UGT1A10: variants seen among roughly 807,000 people sequenced by gnomAD.
The protein encoded by UGT1A10 is UDP glucuronosyltransferase family 1 member A10, also known as UDP-glucuronosyltransferase 1A10.
A neutral mutation model predicts 45.8 loss-of-function variants in UGT1A10; 49 were observed. That is an observed-to-expected ratio of 1.07 (90% CI 0.85 to 1.36). The LOEUF (loss-of-function observed/expected upper bound fraction) is 1.36. UGT1A10 is among the 40% of genes most tolerant of loss of function. UGT1A10 has a pLI of 0.00. For synonymous variants in UGT1A10, 284 were observed against 249.7 expected (o/e 1.14, Z -1.29); for missense variants, 745 against 668.6 (o/e 1.11, Z -1.26).
In UGT1A10 at chr2:233,672,598, C is replaced by T. The variant is rs762262088; in HGVS notation, c.855+35221C>T. On this transcript the variant is annotated intron_variant, in intron 1 of 4. Coordinates refer to ENST00000344644, the MANE Select transcript of UGT1A10 (RefSeq NM_019075.4). ...CTTGGAGGAACATTTATTATGCCAC[C>T]GTTTTTTCAAAAATGCCCTAGAAAT... 24 of 1,613,836 alleles carry T rather than the reference C, an allele frequency of 1.5e-5. No homozygotes were observed. The highest frequency in any genetic ancestry group is 1.2e-4 in the South Asian group (11 of 91,064).
chr2:233,643,062 T>C (rs2073497451), intron 1 of UGT1A10, among the ~76,000 whole-genome samples: 1 of 152,168 alleles, frequency 6.6e-6, no homozygotes, highest in Non-Finnish European at 1.5e-5. Context: ...GGCTACTGCC[T>C]ATGTTTGCTC....
At chr2:233,697,092 C>T (rs1373676838) in intron 1 of UGT1A10, among the ~76,000 whole-genome samples, 1 of 151,956 alleles carries the variant, frequency 6.6e-6, no homozygotes, top group Admixed American at 6.6e-5. Context: ...ACTGGTCTCA[C>T]AGGATGAGTT....
At chr2:233,772,184 TA>T (rs2126065808) in intron 4 of UGT1A10, 77 bp from the exon 5 acceptor site, 1 of 1,591,636 alleles carries the variant, frequency 6.3e-7, no homozygotes, top group Admixed American at 1.8e-5. Context: ...GTAGTCTTCT[TA>T]AGCAGCCATG....
intron 1 of UGT1A10, among the ~76,000 whole-genome samples, chr2:233,641,213 T>C (rs2073443572): frequency 1.3e-5 from 2 of 152,202 alleles, no homozygotes; most frequent in African/African-American, 4.8e-5. Flanking sequence ...TGCCTTTCTT[T>C]ACCTACAAGT....
At chr2:233,747,366 C>A in intron 1 of UGT1A10, 1 of 1,604,318 alleles carries the variant, frequency 6.2e-7, no homozygotes, top group Non-Finnish European at 8.5e-7. Context: ...GCGGGAGCTC[C>A]ATGCCAGAGG....
At chr2:233,669,795 T>C (rs931224697) in intron 1 of UGT1A10, among the ~76,000 whole-genome samples, 9 of 152,124 alleles carry the variant, frequency 5.9e-5, no homozygotes, top group Admixed American at 1.3e-4. Context: ...GTGATTCTCC[T>C]GCCTCAGCCT....
intron 1 of UGT1A10, among the ~76,000 whole-genome samples, chr2:233,686,521 C>A (rs752399800): frequency 6.6e-6 from 1 of 152,196 alleles, no homozygotes; most frequent in South Asian, 2.1e-4. Context: ...CCTCCACCTG[C>A]GTTAGAACCT....
intron 1 of UGT1A10, chr2:233,691,549 G>C (rs1182014664): frequency 1.1e-5 from 11 of 985,572 alleles, no homozygotes; most frequent in South Asian, 4.7e-5. Flanking sequence ...GTCTGTTCTA[G>C]TAATTCAAGG....
rs3064744 is a variant in UGT1A10, at chr2:233,760,233, C to CAT, written c.856-6787_856-6786dup. 448,036 of 1,466,600 alleles carry CAT rather than the reference C, an allele frequency of 0.31. 31,217 individuals are homozygous for CAT. The highest frequency in any genetic ancestry group is 0.38 in the African/African-American group (27,001 of 71,942). The allele number at this position is 1,466,600 out of a possible 1,614,324, so 90.8% of individuals were successfully genotyped here. ...ACTTGGTGTATCGATTGGTTTTTGC[C>CAT]ATATATATATATATAAGTAGGAGAG... On this transcript the variant is annotated intron_variant, in intron 1 of 4. Coordinates refer to ENST00000344644, the MANE Select transcript of UGT1A10 (RefSeq NM_019075.4).
intron 1 of UGT1A10, among the ~76,000 whole-genome samples, chr2:233,764,963 G>A (rs1465022385): frequency 6.6e-6 from 1 of 152,090 alleles, no homozygotes; most frequent in East Asian, 1.9e-4. Flanking sequence ...GCTCACCTTG[G>A]GAGAAGGATG....
chr2:233,689,611 C>T (rs1249641289), intron 1 of UGT1A10, among the ~76,000 whole-genome samples: 2 of 152,142 alleles, frequency 1.3e-5, no homozygotes, highest in Non-Finnish European at 2.9e-5. Flanking sequence ...GTTTAAAATT[C>T]GGGGTTAGCA....
chr2:233,737,523 G>A (rs890594707), intron 1 of UGT1A10, among the ~76,000 whole-genome samples: 3 of 152,158 alleles, frequency 2.0e-5, no homozygotes, highest in Non-Finnish European at 4.4e-5. Context: ...TAGGTGAGGC[G>A]ACGCCCTGCC....
At chr2:233,693,944 G>A (rs2075190377) in intron 1 of UGT1A10, 26 of 1,599,102 alleles carry the variant, frequency 1.6e-5, no homozygotes, top group South Asian at 1.6e-4. Context: ...TCCTTGAGCC[G>A]ACTGTCCCTT....
chr2:233,666,363 A>C (rs925665303), intron 1 of UGT1A10, among the ~76,000 whole-genome samples: 2 of 152,212 alleles, frequency 1.3e-5, no homozygotes, highest in African/African-American at 4.8e-5. Flanking sequence ...ATCATTTGAT[A>C]TGCTCAATCT....
At chr2:233,649,361 T>C (rs1327059622) in intron 1 of UGT1A10, among the ~76,000 whole-genome samples, 2 of 152,194 alleles carry the variant, frequency 1.3e-5, no homozygotes, top group African/African-American at 4.8e-5. Context: ...ATTATGACTT[T>C]TTTAGTATTT....
intron 1 of UGT1A10, among the ~76,000 whole-genome samples, chr2:233,745,961 G>C (rs1163113013): frequency 6.6e-6 from 1 of 151,702 alleles, no homozygotes; most frequent in Non-Finnish European, 1.5e-5. Context: ...TGGGGGACAG[G>C]GGCCCTGAAA....
intron 1 of UGT1A10, among the ~76,000 whole-genome samples, chr2:233,694,833 A>C (rs2075242896): frequency 6.6e-6 from 1 of 152,210 alleles, no homozygotes; most frequent in African/African-American, 2.4e-5. Flanking sequence ...AAAACATAGA[A>C]TGTCAGGATT....
intron 1 of UGT1A10, chr2:233,713,020 C>T (rs143190267): frequency 2.4e-5 from 38 of 1,613,618 alleles, no homozygotes; most frequent in African/African-American, 6.7e-5. Context: ...GTTCCCCTGC[C>T]GCAGCTGGCC....
At chr2:233,672,886 T>G in intron 1 of UGT1A10, 4 of 1,514,200 alleles carry the variant, frequency 2.6e-6, no homozygotes, top group Non-Finnish European at 3.5e-6. Flanking sequence ...TTCATTTGTT[T>G]CATTTCAAAT....
Sources: gnomAD v4.1 joint callset for allele counts (sites outside exome capture counted in the v4.1 genomes callset) on GRCh38, gnomAD v4.1.1 for gene constraint, MANE v1.5 for transcripts, NCBI Gene and HGNC (gene_info 2026-07-23, HGNC 2026-07-21) for gene names.